DDX53: variants seen among roughly 807,000 people sequenced by gnomAD.
The protein encoded by DDX53 is DEAD box protein 53.
For missense variants in DDX53, 481 were observed against 485.1 expected (o/e 0.99, Z 0.08); for synonymous variants, 179 against 170.8 (o/e 1.05, Z -0.37).
At position 23,002,330 on chromosome X, in the gene DDX53, CTA is replaced by C. The variant is rs1933828901; in HGVS notation, c.*379_*380del. 1 of 133,927 alleles carries C rather than the reference CTA, an allele frequency of 7.5e-6. No individual in the cohort carries two copies. The highest frequency in any genetic ancestry group is 1.6e-5 in the Non-Finnish European group (1 of 60,906). The allele number at this position is 133,927 out of a possible 1,213,427, so 11.0% of individuals were successfully genotyped here. A position where few individuals can be genotyped will look rare whatever the true frequency, so the allele number is the denominator to read the frequency against. On this transcript the variant is annotated 3_prime_UTR_variant, in exon 1 of 1. Transcript: ENST00000327968. ...AAAAGTCTCAAAAATGAGAGAGAGA[CTA>C]TGTGAAGAGAAGGTAAATGTTATGT...
chrX:23,000,232 ATGGTTGGTGTGGTCAT>A lies in DDX53; in HGVS notation c.181_196del (p.Gly61ThrfsTer6). The stretch of plus-strand genomic sequence containing the variant: ...ACTCTGCTTTAAAATAAAGAACAAT[ATGGTTGGTGTGGTCAT>A]TGGTTACAGTGGATCAAAAATAAAA... On this transcript the variant is annotated frameshift_variant, in exon 1 of 1. Transcript: ENST00000327968. LOFTEE classifies it low-confidence loss of function (END_TRUNC). 8.4e-7 allele frequency: 1 copy of A among 1,190,932 alleles called. No individual in the cohort carries two copies. Among genetic ancestry groups the A allele is most frequent in the Non-Finnish European group, 1.1e-6 (1 of 885,279 alleles).
chrX:23,001,233 G>C lies in DDX53; in HGVS notation c.1176G>C (p.Lys392Asn). 5.8e-6 allele frequency: 7 copies of C among 1,211,207 alleles called. No homozygotes were observed. The highest frequency in any genetic ancestry group is 7.8e-6 in the Non-Finnish European group (7 of 895,220). The change falls in exon 1 of 1, where the codon AAG (lysine) becomes AAC (asparagine). Residue 392 changes from lysine (K) to asparagine (N), a missense_variant. By Grantham distance (94) the Lys-to-Asn change is moderately conservative (BLOSUM62 0). Coordinates refer to ENST00000327968, the MANE Select transcript of DDX53 (RefSeq NM_182699.4). ...TGGAATTTGAACCCCAGATAAGGAA[G>C]ATTTTATTAGATGTGCGCCCAGACC... Reference protein sequence around the residue: ...LDMEFEPQIRKILLDVRPDRQ... With the variant: ...LDMEFEPQIRNILLDVRPDRQ...
rs1335664083 is a variant in DDX53 at position 23,003,224 on chromosome X, T to C, written c.*1271T>C. On this transcript the variant is annotated 3_prime_UTR_variant, in exon 1 of 1. Coordinates refer to ENST00000327968, the MANE Select transcript of DDX53 (RefSeq NM_182699.4). ...TAAAGTTATTTCCACTATCATTCTC[T>C]ACTTGTTTTAGTTCATTAGAAAATA... The C allele has an allele frequency of 8.1e-6, 1 of 124,082 alleles. No homozygotes were observed. Among genetic ancestry groups the C allele is most frequent in the Non-Finnish European group, 1.9e-5 (1 of 53,415 alleles). 10.2% of individuals were successfully genotyped at this position (124,082 alleles called of 1,213,427 possible).
Position 23,001,714 on chromosome X carries a change from C to A in DDX53, c.1657C>A (p.His553Asn). 3.3e-6 allele frequency: 4 copies of A among 1,210,695 alleles called. No individual in the cohort carries two copies. Among genetic ancestry groups the A allele is most frequent in the Non-Finnish European group, 4.5e-6 (4 of 894,777 alleles). The change falls in exon 1 of 1, where the codon CAC (histidine) becomes AAC (asparagine). Residue 553 changes from histidine (H) to asparagine (N), a missense_variant. By Grantham distance (68) the His-to-Asn change is moderately conservative (BLOSUM62 1). Transcript: ENST00000327968. ...CCCAAGGAATATTGACGTATATGTA[C>A]ACAGAGTAGGGTACATTGGACGGAC... ...DFPRNIDVYV[H>N]RVGYIGRTGK...
Position 23,000,857 on chromosome X carries a change from A to G in DDX53, c.800A>G (p.Gln267Arg). The change falls in exon 1 of 1, where the codon CAA (glutamine) becomes CGA (arginine). Residue 267 changes from glutamine (Q) to arginine (R), a missense_variant. By Grantham distance (43) the Gln-to-Arg change is conservative. Coordinates refer to ENST00000327968, the MANE Select transcript of DDX53 (RefSeq NM_182699.4). ...GGAATAGATCTTATAGTAGTTGCAC[A>G]AACCGGAACAGGGAAAACATTGTCC... The part of the protein sequence containing the change: ...LQGIDLIVVA[Q>R]TGTGKTLSYL... 1 of 1,211,412 alleles carries G rather than the reference A, an allele frequency of 8.3e-7. No individual in the cohort carries two copies. The highest frequency in any genetic ancestry group is 1.1e-6 in the Non-Finnish European group (1 of 895,408).
Position 23,003,513 on chromosome X carries a change from T to C in DDX53, c.*1560T>C, listed in dbSNP as rs1022051951. The C allele has an allele frequency of 8.1e-6, 1 of 123,847 alleles. No individual in the cohort carries two copies. The highest frequency in any genetic ancestry group is 1.9e-5 in the Non-Finnish European group (1 of 53,424). The allele number at this position is 123,847 out of a possible 1,213,427, so 10.2% of individuals were successfully genotyped here. A position where few individuals can be genotyped will look rare whatever the true frequency, so the allele number is the denominator to read the frequency against. Reference sequence around the variant, plus strand: ...ACTAAAACTGTATACCCCAGCCTTGTATTAACACTTTTTTGTCTAATCTAG... The same window carrying C: ...ACTAAAACTGTATACCCCAGCCTTGCATTAACACTTTTTTGTCTAATCTAG... On this transcript the variant is annotated 3_prime_UTR_variant, in exon 1 of 1. Transcript: ENST00000327968.
rs1167995011 is a variant in DDX53, at chrX:23,000,849, A to C, written c.792A>C (p.Val264=). The change falls in exon 1 of 1, where the codon GTA becomes GTC. Residue 264 remains valine, a synonymous_variant. Coordinates refer to ENST00000327968, the MANE Select transcript of DDX53 (RefSeq NM_182699.4). ...PIILQGIDLI[V]VAQTGTGKTL... is the part of the protein sequence containing the mutation. Reference sequence around the variant, plus strand: ...TTCTACAAGGAATAGATCTTATAGTAGTTGCACAAACCGGAACAGGGAAAA... The same window carrying C: ...TTCTACAAGGAATAGATCTTATAGTCGTTGCACAAACCGGAACAGGGAAAA... 2.3e-5 allele frequency: 28 copies of C among 1,210,036 alleles called. No homozygotes were observed. The highest frequency in any genetic ancestry group is 3.1e-5 in the Non-Finnish European group (28 of 895,305).
At position 23,000,513 on chromosome X, in the gene DDX53, T is replaced by G. The variant is rs1430239076; in HGVS notation, c.456T>G (p.Asn152Lys). The change falls in exon 1 of 1, where the codon AAT becomes AAG. Residue 152 changes from asparagine (N) to lysine (K), a missense_variant. Transcript: ENST00000327968. ...TTGGAGAAGCTGAGCCATTGTCAAA[T>G]TGGGATCGCATTAGGGCAGCAGTCG... is the stretch of plus-strand genomic sequence containing the variant. ...DIVGEAEPLS[N>K]WDRIRAAVVE... is the part of the protein sequence containing the mutation. The G allele has an allele frequency of 8.3e-7, 1 of 1,211,541 alleles. No homozygotes were observed. The highest frequency in any genetic ancestry group is 2.2e-5 in the Admixed American group (1 of 46,030).
chrX:23,000,419 C>T lies in DDX53; in HGVS notation c.362C>T (p.Ser121Leu), dbSNP rs1315853002. ...TLIRKQESYN[S>L]ESSVDNAASQ... ...ATTAGAAAACAAGAAAGCTACAACT[C>T]AGAATCCAGTGTGGATAATGCTGCA... is the stretch of plus-strand genomic sequence containing the variant. Residue 121 changes from serine to leucine, a missense_variant, in exon 1 of 1, where the codon TCA becomes TTA. By Grantham distance (145) the Ser-to-Leu change is moderately radical. Coordinates refer to ENST00000327968, the MANE Select transcript of DDX53 (RefSeq NM_182699.4). The T allele has an allele frequency of 8.3e-7, 1 of 1,209,563 alleles. No homozygotes were observed. The highest frequency in any genetic ancestry group is 1.7e-5 in the African/African-American group (1 of 57,147).
rs1242334505 is a variant in DDX53, at chrX:23,000,244, G to C, written c.187G>C (p.Val63Leu). The stretch of plus-strand genomic sequence containing the variant: ...AATAAAGAACAATATGGTTGGTGTG[G>C]TCATTGGTTACAGTGGATCAAAAAT... ...FKIKNNMVGVVIGYSGSKIKD... is the reference protein window; with the variant it reads ...FKIKNNMVGVLIGYSGSKIKD... The change falls in exon 1 of 1, where the codon GTC (valine) becomes CTC (leucine). Residue 63 changes from valine (V) to leucine (L), a missense_variant. By Grantham distance (32) the Val-to-Leu change is conservative. Coordinates refer to ENST00000327968, the MANE Select transcript of DDX53 (RefSeq NM_182699.4). The C allele has an allele frequency of 5.9e-6, 7 of 1,190,333 alleles. No individual in the cohort carries two copies. The South Asian group carries it at 9.5e-5, about 16-fold the overall frequency.
Position 23,002,052 on chromosome X carries a change from A to T in DDX53, c.*99A>T, listed in dbSNP as rs1281997779. 3 of 673,197 alleles carry T rather than the reference A, an allele frequency of 4.5e-6. No individual in the cohort carries two copies. Among genetic ancestry groups the T allele is most frequent in the Non-Finnish European group, 6.4e-6 (3 of 469,632 alleles). The allele number at this position is 673,197 out of a possible 1,213,427, so 55.5% of individuals were successfully genotyped here. A position where few individuals can be genotyped will look rare whatever the true frequency, so the allele number is the denominator to read the frequency against. On this transcript the variant is annotated 3_prime_UTR_variant, in exon 1 of 1. Coordinates refer to ENST00000327968, the MANE Select transcript of DDX53 (RefSeq NM_182699.4). ...TTGGAAACATACTAGCCATTTGAAG[A>T]CATAACTAATTCTTAAATAATACTG...
Position 23,000,979 on chromosome X carries a change from T to C in DDX53, c.922T>C (p.Leu308=), listed in dbSNP as rs1336784645. ...GMLVLTPTRE[L]ALHVEAECSK... ...GCTAGTCCTTACACCCACTAGAGAG[T>C]TGGCTCTTCACGTGGAAGCTGAATG... The change falls in exon 1 of 1, where the codon TTG becomes CTG. Residue 308 remains leucine (L), a synonymous_variant. Transcript: ENST00000327968. 1 of 1,208,311 alleles carries C rather than the reference T, an allele frequency of 8.3e-7. No individual in the cohort carries two copies. The highest frequency in any genetic ancestry group is 2.2e-5 in the Admixed American group (1 of 45,713).
In DDX53 at chrX:23,000,537, C is replaced by G; in HGVS notation, c.480C>G (p.Val160=). The G allele has an allele frequency of 8.3e-7, 1 of 1,210,963 alleles. No homozygotes were observed. The highest frequency in any genetic ancestry group is 2.2e-5 in the Admixed American group (1 of 45,948). Residue 160 remains valine (V), a synonymous_variant, in exon 1 of 1, where the codon GTC becomes GTG. Coordinates refer to ENST00000327968, the MANE Select transcript of DDX53 (RefSeq NM_182699.4). The part of the protein sequence containing the change: ...LSNWDRIRAA[V]VECEKRKWAD... The stretch of plus-strand genomic sequence containing the variant: ...ATTGGGATCGCATTAGGGCAGCAGT[C>G]GTGGAGTGCGAAAAGAGAAAATGGG...
rs1036531662 is a variant in DDX53 at position 23,001,170 on chromosome X, C to T, written c.1113C>T (p.Thr371=). ...MNNSVNLRSI[T]YLVIDEADKM... Reference sequence around the variant, plus strand: ...ACTCTGTCAACCTAAGAAGCATAACCTACTTGGTTATAGATGAGGCAGATA... The same window carrying T: ...ACTCTGTCAACCTAAGAAGCATAACTTACTTGGTTATAGATGAGGCAGATA... Residue 371 remains threonine (T), a synonymous_variant, in exon 1 of 1, where the codon ACC becomes ACT. Transcript: ENST00000327968. 2 of 1,211,319 alleles carry T rather than the reference C, an allele frequency of 1.7e-6. No individual in the cohort carries two copies. The highest frequency in any genetic ancestry group is 2.2e-5 in the Admixed American group (1 of 45,989).
rs1569253145 is a variant in DDX53, at chrX:23,000,102, A to C, written c.45A>C (p.Pro15=). 8.6e-7 allele frequency: 1 copy of C among 1,162,693 alleles called. No homozygotes were observed. Among genetic ancestry groups the C allele is most frequent in the African/African-American group, 1.8e-5 (1 of 55,338 alleles). Residue 15 remains proline (P), a synonymous_variant, in exon 1 of 1, where the codon CCA becomes CCC. Transcript: ENST00000327968. ...APEWKRAEAN[P]RDLGASWDVR... Reference sequence around the variant, plus strand: ...AGTGGAAGAGGGCGGAGGCTAATCCAAGAGACCTTGGGGCCAGCTGGGATG... The same window carrying C: ...AGTGGAAGAGGGCGGAGGCTAATCCCAGAGACCTTGGGGCCAGCTGGGATG...
At position 23,000,935 on chromosome X, in the gene DDX53, A is replaced by G. The variant is rs1230053896; in HGVS notation, c.878A>G (p.Gln293Arg). 1 of 1,207,212 alleles carries G rather than the reference A, an allele frequency of 8.3e-7. No homozygotes were observed. Among genetic ancestry groups the G allele is most frequent in the Non-Finnish European group, 1.1e-6 (1 of 893,844 alleles). The change falls in exon 1 of 1, where the codon CAA (glutamine) becomes CGA (arginine). Residue 293 changes from glutamine to arginine, a missense_variant. Gln to Arg is a conservative substitution (Grantham distance 43). Transcript: ENST00000327968. ...HLDSQPISRE[Q>R]RNGPGMLVLT... The stretch of plus-strand genomic sequence containing the variant: ...GATTCTCAACCAATATCTAGAGAGC[A>G]AAGGAATGGGCCTGGGATGCTAGTC...
In DDX53 at chrX:23,001,793, C is replaced by T. The variant is rs781077232; in HGVS notation, c.1736C>T (p.Ala579Val). ...TLITQRDSKM[A>V]GELIKILDRA... ...ATCACTCAGAGAGATTCGAAAATGGCCGGTGAATTGATTAAAATTCTGGAC... is the reference window on the plus strand; with the variant it reads ...ATCACTCAGAGAGATTCGAAAATGGTCGGTGAATTGATTAAAATTCTGGAC... Residue 579 changes from alanine (A) to valine (V), a missense_variant, in exon 1 of 1, where the codon GCC becomes GTC. Transcript: ENST00000327968. The T allele has an allele frequency of 4.2e-5, 51 of 1,209,671 alleles. No homozygotes were observed. The highest frequency in any genetic ancestry group is 5.5e-5 in the Non-Finnish European group (49 of 895,160).
rs1246029205 is a variant in DDX53, at chrX:23,001,124, T to A, written c.1067T>A (p.Leu356Gln). The change falls in exon 1 of 1, where the codon CTG becomes CAG. Residue 356 changes from leucine (L) to glutamine (Q), a missense_variant. Leu to Gln is a moderately radical substitution (Grantham distance 113). Coordinates refer to ENST00000327968, the MANE Select transcript of DDX53 (RefSeq NM_182699.4). Reference sequence around the variant, plus strand: ...ATCATTATTGCAACTCCTGGGAGGCTGAATGACCTACAAATGAATAACTCT... The same window carrying A: ...ATCATTATTGCAACTCCTGGGAGGCAGAATGACCTACAAATGAATAACTCT... ...VDIIIATPGR[L>Q]NDLQMNNSVN... is the part of the protein sequence containing the mutation. 2 of 1,206,425 alleles carry A rather than the reference T, an allele frequency of 1.7e-6. No homozygotes were observed. Among genetic ancestry groups the A allele is most frequent in the Non-Finnish European group, 2.2e-6 (2 of 893,560 alleles).
Position 23,002,000 on chromosome X carries a change from G to A in DDX53, c.*47G>A. 2 of 1,027,530 alleles carry A rather than the reference G, an allele frequency of 1.9e-6. No homozygotes were observed. The highest frequency in any genetic ancestry group is 2.4e-5 in the South Asian group (1 of 41,691). 84.7% of individuals were successfully genotyped at this position (1,027,530 alleles called of 1,213,427 possible). ...AAGATTCCAGGCATGTTAAAGATAT[G>A]CAGTATTGAATATATGTAAGGAAGT... On this transcript the variant is annotated 3_prime_UTR_variant, in exon 1 of 1. Coordinates refer to ENST00000327968, the MANE Select transcript of DDX53 (RefSeq NM_182699.4).
Sources: allele counts gnomAD v4.1 joint callset, GRCh38; gene constraint gnomAD v4.1.1; transcripts MANE v1.5; gene names NCBI Gene and HGNC (gene_info 2026-07-23, HGNC 2026-07-21).